CCDC30: variants seen among roughly 807,000 people sequenced by gnomAD.
The protein encoded by CCDC30 is coiled-coil domain-containing protein 30.
CCDC30 carries 70 observed loss-of-function variants against 100.2 expected under a neutral mutation model. That is an observed-to-expected ratio of 0.70 (90% CI 0.58 to 0.85). The LOEUF (loss-of-function observed/expected upper bound fraction) is 0.85. Ranked by LOEUF, CCDC30 falls within the 40% of genes least tolerant of loss-of-function variation. CCDC30 has a pLI of 0.00. For missense variants in CCDC30, 652 were observed against 771.2 expected (o/e 0.85, Z 1.83); for synonymous variants, 233 against 269.5 (o/e 0.86, Z 1.33).
At chr1:42,558,595 C>T (rs1645421752) in intron 6 of CCDC30, among the ~76,000 whole-genome samples, 1 of 152,138 alleles carries the variant, frequency 6.6e-6, no homozygotes, top group African/African-American at 2.4e-5. Flanking sequence ...TCCAGGATCA[C>T]CCATTGATAA....
At chr1:42,642,360 G>GA (rs933912680) in intron 12 of CCDC30, 113 bp from the exon 17 acceptor site, 696 of 902,898 alleles carry the variant, frequency 7.7e-4, no homozygotes, top group South Asian at 1.3e-3. Context: ...TAGGGGACAG[G>GA]AAAAAAAAAG....
intron 9 of CCDC30, among the ~76,000 whole-genome samples, chr1:42,587,554 A>T (rs185215753): frequency 1.2e-4 from 18 of 152,340 alleles, no homozygotes; most frequent in African/African-American, 4.1e-4. Flanking sequence ...CAGTCCTTGG[A>T]GAGTCTGCAC....
chr1:42,653,994 G>A (rs1363641772), exon 17 of CCDC30: 1 of 1,613,952 alleles, frequency 6.2e-7, no homozygotes, highest in Admixed American at 1.7e-5. Flanking sequence ...GAGACACATG[G>A]TATACAAGAA....
At chr1:42,602,170 T>C (rs1360913561) in intron 10 of CCDC30, among the ~76,000 whole-genome samples, 2 of 151,628 alleles carry the variant, frequency 1.3e-5, no homozygotes, top group African/African-American at 4.8e-5. Flanking sequence ...AGCTTTGGCC[T>C]TAGAAAATTA....
upstream of CCDC30, chr1:42,459,842 A>C (rs748563516): frequency 7.4e-6 from 12 of 1,614,212 alleles, no homozygotes; most frequent in Non-Finnish European, 8.5e-6. Flanking sequence ...CAGAGGAAGA[A>C]ATAGAAAAAG....
At chr1:42,461,950 T>G (rs762615442), upstream of CCDC30, among the ~76,000 whole-genome samples, 26 of 152,202 alleles carry the variant, frequency 1.7e-4, no homozygotes, top group Non-Finnish European at 2.9e-5. Flanking sequence ...GGGCAAGAAG[T>G]AGAATATGTT....
upstream of CCDC30, chr1:42,460,285 A>G (rs1006431686): frequency 1.9e-5 from 19 of 1,009,350 alleles, no homozygotes; most frequent in African/African-American, 3.4e-5. Flanking sequence ...TTGAATGCCT[A>G]TGTATGTCAG....
intron 1 of CCDC30, among the ~76,000 whole-genome samples, chr1:42,466,768 T>C (rs1159787445): frequency 6.6e-6 from 1 of 152,106 alleles, no homozygotes; most frequent in Non-Finnish European, 1.5e-5. Flanking sequence ...GCCAGGCCAG[T>C]CTTGAACTCC....
exon 15 of CCDC30, chr1:42,646,136 A>C: frequency 1.3e-6 from 2 of 1,578,514 alleles, no homozygotes; most frequent in Non-Finnish European, 1.7e-6. Flanking sequence ...TAAACTTAGA[A>C]TCTTAAGGAG....
intron 9 of CCDC30, among the ~76,000 whole-genome samples, chr1:42,587,193 C>T (rs944020168): frequency 6.6e-6 from 1 of 152,070 alleles, no homozygotes; most frequent in Middle Eastern, 3.2e-3. Context: ...GATGAGTTCT[C>T]ACTATGTTGC....
chr1:42,533,446 A>T (rs140664985), intron 6 of CCDC30, among the ~76,000 whole-genome samples: 58 of 152,270 alleles, frequency 3.8e-4, no homozygotes, highest in Middle Eastern at 3.4e-3. Flanking sequence ...AGTAAGCAGG[A>T]GTATTCCCAT....
chr1:42,551,038 A>G (rs776350906), intron 6 of CCDC30, among the ~76,000 whole-genome samples: 1 of 152,098 alleles, frequency 6.6e-6, no homozygotes, highest in Non-Finnish European at 1.5e-5. Flanking sequence ...TTTGTTACAT[A>G]TGTATACATG....
intron 10 of CCDC30, among the ~76,000 whole-genome samples, chr1:42,604,441 T>G (rs1646465719): frequency 6.6e-6 from 1 of 152,192 alleles, no homozygotes; most frequent in Admixed American, 6.5e-5. Flanking sequence ...TATCCCAGAT[T>G]ATCTATTCTG....
chr1:42,548,556 C>T (rs1352386852), intron 6 of CCDC30, among the ~76,000 whole-genome samples: 2 of 152,036 alleles, frequency 1.3e-5, no homozygotes, highest in Admixed American at 6.6e-5. Flanking sequence ...CTATGATTGC[C>T]TTGGGACCAA....
rs114217876 is a variant in CCDC30, at chr1:42,532,733, G to A, written c.457-33563G>A. On this transcript the variant is annotated intron_variant, in intron 6 of 16. Coordinates refer to ENST00000668663, the Ensembl canonical transcript of CCDC30. ...CCATATGGCTGGTCGTTATGAGAGC[G>A]TATACAATAAAGGAGGGTGAAAGTT... 1.2e-3 allele frequency among the ~76,000 whole-genome samples: 179 copies of A among 152,246 alleles called. 2 individuals carry two copies. Among genetic ancestry groups the A allele is most frequent in the African/African-American group, 3.9e-3 (161 of 41,536 alleles).
chr1:42,626,617 T>C (rs114813886), intron 11 of CCDC30, among the ~76,000 whole-genome samples: 320 of 152,306 alleles, frequency 2.1e-3, no homozygotes, highest in African/African-American at 4.7e-3. Flanking sequence ...TTGAACTTTA[T>C]CTCCCAGAAT....
At chr1:42,489,128 A>C (rs1446767580) in intron 3 of CCDC30, among the ~76,000 whole-genome samples, 1 of 152,192 alleles carries the variant, frequency 6.6e-6, no homozygotes, top group African/African-American at 2.4e-5. Flanking sequence ...ATACATTTAG[A>C]AAACTGTTCT....
intron 10 of CCDC30, among the ~76,000 whole-genome samples, chr1:42,597,990 C>A (rs1334171915): frequency 6.7e-6 from 1 of 150,332 alleles, no homozygotes; most frequent in African/African-American, 2.5e-5. Flanking sequence ...AGACTCCAGT[C>A]TCTACAAAAA....
intron 10 of CCDC30, 150 bp from the exon 15 acceptor site, chr1:42,610,828 G>T: frequency 2.0e-6 from 1 of 511,872 alleles, no homozygotes; most frequent in Non-Finnish European, 3.4e-6. Flanking sequence ...AGAAAATCTG[G>T]AAGTACAGGA....
Sources: gnomAD v4.1 joint callset for allele counts (sites outside exome capture counted in the v4.1 genomes callset) on GRCh38, gnomAD v4.1.1 for gene constraint, MANE v1.5 for transcripts, NCBI Gene and HGNC (gene_info 2026-07-23, HGNC 2026-07-21) for gene names.